Variants in XKR9 observed in about 807,000 individuals in gnomAD.
The protein encoded by XKR9 is XK-related protein 9.
XKR9 carries 32 observed loss-of-function variants against 32.0 expected under a neutral mutation model. The ratio of observed to expected loss-of-function variants is 1.00; its 90% confidence interval spans 0.76 to 1.34. The LOEUF (loss-of-function observed/expected upper bound fraction) is 1.34, where lower values mean the gene tolerates loss of function less well. Ranked by LOEUF, XKR9 falls within the 40% of genes most tolerant of loss-of-function variation. The pLI is 0.00. For missense variants in XKR9, 546 were observed against 429.7 expected (o/e 1.27, Z -2.39); for synonymous variants, 168 against 143.4 (o/e 1.17, Z -1.22).
chr8:70,748,382 A>G (rs993293849), intron 2 of XKR9, among the ~76,000 whole-genome samples: 1 of 152,256 alleles, frequency 6.6e-6, no homozygotes, highest in East Asian at 1.9e-4. Flanking sequence ...CCTGCTTTCT[A>G]GTCTCTCCCC....
chr8:71,065,234 G>C, the XKR9 span, among the ~76,000 whole-genome samples: 1 of 152,174 alleles, frequency 6.6e-6, no homozygotes, highest in Non-Finnish European at 1.5e-5. Context: ...TGCATTTGGA[G>C]ATAGGAATTT....
chr8:70,727,104 G>T (rs1206008657), intron 4 of XKR9, among the ~76,000 whole-genome samples: 1 of 152,086 alleles, frequency 6.6e-6, no homozygotes, highest in African/African-American at 2.4e-5. Context: ...TATATGGCTG[G>T]TATTATGGTT....
At chr8:70,697,070 A>C (rs1031638124) in intron 3 of XKR9, among the ~76,000 whole-genome samples, 1 of 151,588 alleles carries the variant, frequency 6.6e-6, no homozygotes, top group African/African-American at 2.4e-5. Context: ...TTATCAGCTT[A>C]AGGAGATTTT....
intron 2 of XKR9, among the ~76,000 whole-genome samples, chr8:70,771,412 T>C (rs775448906): frequency 4.6e-5 from 7 of 152,202 alleles, no homozygotes; most frequent in African/African-American, 1.7e-4. Context: ...TTTTTATCCT[T>C]ATTGACTTGA....
chr8:70,879,937 C>A, the XKR9 span, among the ~76,000 whole-genome samples: 1 of 152,114 alleles, frequency 6.6e-6, no homozygotes, highest in African/African-American at 2.4e-5. Context: ...ACGATCGAAT[C>A]GGCTTCATCC....
At chr8:71,061,411 T>C in the XKR9 span, among the ~76,000 whole-genome samples, 6 of 152,200 alleles carry the variant, frequency 3.9e-5, no homozygotes, top group Non-Finnish European at 8.8e-5. Flanking sequence ...GTTCCAGCCT[T>C]ACCCATCAAT....
Position 70,734,568 on chromosome 8 carries a change from T to G in XKR9, c.*144T>G, listed in dbSNP as rs183419561. The G allele has an allele frequency of 8.4e-5, 91 of 1,082,014 alleles. No individual in the cohort carries two copies. Among genetic ancestry groups the G allele is most frequent in the Non-Finnish European group, 1.0e-4 (85 of 843,672 alleles). The allele number at this position is 1,082,014 out of a possible 1,614,324, so 67.0% of individuals were successfully genotyped here. On this transcript the variant is annotated 3_prime_UTR_variant, in exon 5 of 5. Transcript: ENST00000408926. ...GTGAAATAGGAGATACATAGTAGTA[T>G]TTTATTTTTAAAATTAATTTCTCAT...
the XKR9 span, among the ~76,000 whole-genome samples, chr8:70,879,819 C>CA: frequency 6.6e-6 from 1 of 151,910 alleles, no homozygotes; most frequent in African/African-American, 2.4e-5. Flanking sequence ...AGAGACACAG[C>CA]AAAAAAAGAG....
chr8:70,806,924 A>G, the XKR9 span, among the ~76,000 whole-genome samples: 1 of 152,114 alleles, frequency 6.6e-6, no homozygotes, highest in Admixed American at 6.6e-5. Context: ...GAACACCACT[A>G]AAATAATCCA....
the XKR9 span, among the ~76,000 whole-genome samples, chr8:70,816,265 A>G: frequency 2.0e-5 from 3 of 152,236 alleles, no homozygotes; most frequent in Non-Finnish European, 4.4e-5. Context: ...TTTTCAATAA[A>G]TGGTGCTGGG....
chr8:70,675,938 T>C (rs1262772922), intron 2 of XKR9, among the ~76,000 whole-genome samples: 1 of 152,232 alleles, frequency 6.6e-6, no homozygotes, highest in African/African-American at 2.4e-5. Context: ...TTCAGGTATC[T>C]TTATAGCAAA....
intron 2 of XKR9, among the ~76,000 whole-genome samples, chr8:70,757,862 C>T (rs533464240): frequency 6.6e-6 from 1 of 152,304 alleles, no homozygotes; most frequent in African/African-American, 2.4e-5. Flanking sequence ...GCTGAGATTA[C>T]AGGCGTGAGC....
chr8:70,891,937 G>A, the XKR9 span, among the ~76,000 whole-genome samples: 1 of 152,092 alleles, frequency 6.6e-6, no homozygotes, highest in South Asian at 2.1e-4. Flanking sequence ...CCTGAGTGCT[G>A]TGGTGTTGGG....
chr8:70,765,018 G>C (rs543031459), intron 2 of XKR9, among the ~76,000 whole-genome samples: 2 of 152,262 alleles, frequency 1.3e-5, no homozygotes, highest in South Asian at 4.1e-4. Flanking sequence ...TTGGTTCCAA[G>C]TCTTTGCTGT....
the XKR9 span, among the ~76,000 whole-genome samples, chr8:70,911,230 T>C: frequency 6.6e-6 from 1 of 152,238 alleles, no homozygotes; most frequent in East Asian, 1.9e-4. Flanking sequence ...CTCAAATTAC[T>C]TGATCTTTAA....
chr8:71,041,271 T>C, the XKR9 span, among the ~76,000 whole-genome samples: 1 of 152,130 alleles, frequency 6.6e-6, no homozygotes, highest in Non-Finnish European at 1.5e-5. Context: ...TTATTTTATC[T>C]TGTGGAAATG....
In XKR9 at chr8:70,700,168, T is replaced by G. The variant is rs186555445; in HGVS notation, c.273-6765T>G. 1.5e-3 allele frequency among the ~76,000 whole-genome samples: 225 copies of G among 152,344 alleles called. 1 individual carries two copies. The highest frequency in any genetic ancestry group is 5.0e-3 in the African/African-American group (210 of 41,590). On this transcript the variant is annotated intron_variant, in intron 3 of 4. Coordinates refer to ENST00000408926, the MANE Select transcript of XKR9 (RefSeq NM_001011720.2). Reference sequence around the variant, plus strand: ...CAGAGTAGTTTGATCGTCTGAAGCCTTCTTCTCTCAACTCGTCAAAGTCAT... The same window carrying G: ...CAGAGTAGTTTGATCGTCTGAAGCCGTCTTCTCTCAACTCGTCAAAGTCAT...
the XKR9 span, among the ~76,000 whole-genome samples, chr8:70,978,628 T>C: frequency 6.6e-6 from 1 of 152,234 alleles, no homozygotes; most frequent in Non-Finnish European, 1.5e-5. Context: ...GCACTTTCTT[T>C]TGTGGGTAAC....
chr8:71,028,908 A>AAG, the XKR9 span, among the ~76,000 whole-genome samples: 49 of 150,962 alleles, frequency 3.2e-4, no homozygotes, highest in Non-Finnish European at 4.3e-4. Flanking sequence ...GACACACAGA[A>AAG]AGAGAGAGAG....
Sources: gnomAD v4.1 joint callset for allele counts (sites outside exome capture counted in the v4.1 genomes callset) on GRCh38, gnomAD v4.1.1 for gene constraint, MANE v1.5 for transcripts, NCBI Gene and HGNC (gene_info 2026-07-23, HGNC 2026-07-21) for gene names.